Variants in NAV3 observed in about 807,000 individuals in gnomAD.
NAV3 encodes neuron navigator 3.
A neutral mutation model predicts 244.7 loss-of-function variants in NAV3; 87 were observed. The ratio of observed to expected loss-of-function variants is 0.36; its 90% CI spans 0.30 to 0.42. The LOEUF (loss-of-function observed/expected upper bound fraction) is 0.42. Among genes scored for constraint, NAV3 ranks in the 20% least tolerant of loss-of-function variants. The pLI, the probability that NAV3 is intolerant of heterozygous loss-of-function variation, is 1.00. For synonymous variants in NAV3, 1,126 were observed against 1,042.2 expected (o/e 1.08, Z -1.55); for missense variants, 2,663 against 2,893.3 (o/e 0.92, Z 1.83).
At chr12:77,601,921 T>G (rs138878840) in intron 2 of NAV3, among the ~76,000 whole-genome samples, 4 of 151,998 alleles carry the variant, frequency 2.6e-5, no homozygotes, top group African/African-American at 9.7e-5. Context: ...GATGAAGTTT[T>G]GTGAGGAACA....
chr12:77,880,794 TAGCACATGTCAC>T (rs1362949068), intron 1 of NAV3, among the ~76,000 whole-genome samples: 6 of 152,156 alleles, frequency 3.9e-5, no homozygotes, highest in African/African-American at 1.4e-4. Flanking sequence ...ATAAGAACGA[TAGCACATGTCAC>T]AGAGCCTCGG....
chr12:77,662,757 T>A lies in NAV3; in HGVS notation c.72+90491T>A, dbSNP rs902454953. ...GAGGACTAAAATTGTAAATGTTTCA[T>A]GCTTTAAATACCATTCCTAGGCTAC... On this transcript the variant is annotated intron_variant, in intron 2 of 8. Coordinates refer to the NAV3 transcript ENST00000550042. 3.3e-5 allele frequency among the ~76,000 whole-genome samples: 5 copies of A among 152,182 alleles called. No homozygotes were observed. The East Asian group carries it at 9.6e-4, about 29-fold the overall frequency.
intron 1 of NAV3, among the ~76,000 whole-genome samples, chr12:77,902,604 A>C (rs1408470446): frequency 6.6e-6 from 1 of 152,154 alleles, no homozygotes; most frequent in Non-Finnish European, 1.5e-5. Flanking sequence ...GCCCTCTCTC[A>C]CCACTCCTAT....
chr12:78,027,704 A>T (rs1187645356), intron 9 of NAV3, among the ~76,000 whole-genome samples: 1 of 152,172 alleles, frequency 6.6e-6, no homozygotes, highest in Non-Finnish European at 1.5e-5. Context: ...TATCTTTTCC[A>T]TGCACACCCA....
At chr12:77,685,430 T>C (rs967941627) in intron 2 of NAV3, among the ~76,000 whole-genome samples, 2 of 151,436 alleles carry the variant, frequency 1.3e-5, no homozygotes, top group African/African-American at 4.9e-5. Context: ...CAATGACAGA[T>C]TCTCCAGCTC....
In NAV3 at chr12:78,027,612, C is replaced by T. The variant is rs142768279; in HGVS notation, c.2023+5750C>T. Among the ~76,000 whole-genome samples, 1,275 of 152,270 alleles carry T rather than the reference C, an allele frequency of 8.4e-3. 10 individuals are homozygous for T. Among genetic ancestry groups the T allele is most frequent in the African/African-American group, 0.025 (1,058 of 41,552 alleles). On this transcript the variant is annotated intron_variant, in intron 9 of 39. Coordinates refer to ENST00000397909, the MANE Select transcript of NAV3 (RefSeq NM_001024383.2). ...AAACCTGACCTCCTGTGACAAATTGCAGTCAAAATGCAGGTGCACAACACA... is the reference window on the plus strand; with the variant it reads ...AAACCTGACCTCCTGTGACAAATTGTAGTCAAAATGCAGGTGCACAACACA...
rs953489668 is a variant in NAV3 at position 78,210,614 on chromosome 12, G to C, written c.*97G>C. The C allele has an allele frequency of 2.8e-6, 4 of 1,428,840 alleles. No individual in the cohort carries two copies. The African/African-American group carries it at 4.3e-5, about 15-fold the overall frequency. The allele number at this position is 1,428,840 out of a possible 1,614,324, so 88.5% of individuals were successfully genotyped here. A position where few individuals can be genotyped will look rare whatever the true frequency, so the allele number is the denominator to read the frequency against. The stretch of plus-strand genomic sequence containing the variant: ...ACCACTGCCAGTATAAAAGCACCCT[G>C]TCAAGGGCCCTGACCCAGAGTTGTG... On this transcript the variant is annotated 3_prime_UTR_variant, in exon 40 of 40. Transcript: ENST00000397909.
Position 78,146,372 on chromosome 12 carries a change from GA to G in NAV3, c.4689del (p.Glu1564LysfsTer36). On this transcript the variant is annotated frameshift_variant, in exon 21 of 40. Transcript: ENST00000397909. LOFTEE classifies it high-confidence loss of function. ...CTTTCTTTTTATTGTTTTACAGGCT[GA>G]AGAAAAGGCTCATTCAGAGGTAAAA... The part of the protein sequence containing the change: ...SSTSSLYSTA[E>X]EKAHSEQIHK... 1 of 1,098,004 alleles carries G rather than the reference GA, an allele frequency of 9.1e-7. No individual in the cohort carries two copies. The highest frequency in any genetic ancestry group is 1.3e-6 in the Non-Finnish European group (1 of 794,022). The allele number at this position is 1,098,004 out of a possible 1,614,324, so 68.0% of individuals were successfully genotyped here.
intron 2 of NAV3, among the ~76,000 whole-genome samples, chr12:77,782,471 TTTAAAA>T (rs1224834108): frequency 2.0e-5 from 3 of 151,870 alleles, no homozygotes; most frequent in African/African-American, 7.3e-5. Flanking sequence ...CAAATAAAAA[TTTAAAA>T]TTAAAAACTT....
chr12:77,699,894 C>T (rs1875485558), intron 2 of NAV3, among the ~76,000 whole-genome samples: 1 of 151,740 alleles, frequency 6.6e-6, no homozygotes, highest in African/African-American at 2.4e-5. Context: ...GATATAGAAC[C>T]CACTTGTAGA....
At chr12:78,141,990 A>G (rs184059445) in intron 20 of NAV3, among the ~76,000 whole-genome samples, 28 of 152,288 alleles carry the variant, frequency 1.8e-4, no homozygotes, top group African/African-American at 6.0e-4. Context: ...AAAAGAAAGA[A>G]AGAAAGAAAA....
At chr12:78,044,907 T>G (rs889671771) in intron 9 of NAV3, among the ~76,000 whole-genome samples, 1 of 152,208 alleles carries the variant, frequency 6.6e-6, no homozygotes, top group Non-Finnish European at 1.5e-5. Flanking sequence ...TCTTCCTATC[T>G]AAATGCACTT....
At chr12:77,617,835 A>G (rs994005922) in intron 2 of NAV3, among the ~76,000 whole-genome samples, 1 of 152,246 alleles carries the variant, frequency 6.6e-6, no homozygotes, top group Non-Finnish European at 1.5e-5. Flanking sequence ...TTTCACCAGT[A>G]TGCAAGACCT....
chr12:78,053,923 A>G (rs1196721266), intron 11 of NAV3, among the ~76,000 whole-genome samples: 4 of 152,300 alleles, frequency 2.6e-5, no homozygotes, highest in East Asian at 1.9e-4. Context: ...ATTTGTGAAT[A>G]ATGATGATTG....
intron 1 of NAV3, among the ~76,000 whole-genome samples, chr12:77,848,326 A>G (rs112107424): frequency 1.3e-5 from 2 of 152,348 alleles, no homozygotes; most frequent in African/African-American, 4.8e-5. Flanking sequence ...GGGAGGAAGA[A>G]TGAACCAACT....
chr12:78,178,943 A>C (rs768556168), intron 28 of NAV3, among the ~76,000 whole-genome samples: 10 of 152,108 alleles, frequency 6.6e-5, no homozygotes, highest in Non-Finnish European at 1.2e-4. Flanking sequence ...TTTAGCTGTG[A>C]TCTCCTAAAT....
intron 1 of NAV3, among the ~76,000 whole-genome samples, chr12:77,839,146 T>C (rs143274883): frequency 9.8e-5 from 15 of 152,318 alleles, no homozygotes; most frequent in African/African-American, 3.6e-4. Flanking sequence ...ATCCACCATG[T>C]ACCCTCCAGG....
chr12:77,832,425 A>T (rs966095136), intron 1 of NAV3, among the ~76,000 whole-genome samples: 4 of 152,174 alleles, frequency 2.6e-5, no homozygotes, highest in African/African-American at 9.6e-5. Flanking sequence ...ATGCGGATTC[A>T]TTTGTACCTT....
At chr12:78,050,715 T>C in intron 10 of NAV3, 49 bp from the exon 11 acceptor site, 1 of 1,530,196 alleles carries the variant, frequency 6.5e-7, no homozygotes, top group South Asian at 1.3e-5. Context: ...TTCTAGATTA[T>C]GGCCCTAAGT....
Sources: allele counts gnomAD v4.1 joint callset (sites outside exome capture counted in the v4.1 genomes callset), GRCh38; gene constraint gnomAD v4.1.1; transcripts MANE v1.5; gene names NCBI Gene and HGNC (gene_info 2026-07-23, HGNC 2026-07-21).